SLCO3A1: variants seen among roughly 807,000 people sequenced by gnomAD.
SLCO3A1 encodes the protein solute carrier organic anion transporter family member 3A1, also known as PGE1 transporter.
SLCO3A1 carries 27 observed loss-of-function variants against 63.1 expected under a neutral mutation model. That is an observed-to-expected ratio of 0.43 (90% CI 0.32 to 0.59). SLCO3A1 has a LOEUF of 0.59. SLCO3A1 is among the 20% of genes least tolerant of loss of function. The pLI is 0.09. For missense variants in SLCO3A1, 773 were observed against 945.8 expected (o/e 0.82, Z 2.40); for synonymous variants, 473 against 409.9 (o/e 1.15, Z -1.86).
chr15:92,109,294 C>T (rs1321457836), intron 4 of SLCO3A1, among the ~76,000 whole-genome samples: 1 of 152,170 alleles, frequency 6.6e-6, no homozygotes, highest in African/African-American at 2.4e-5. Context: ...ATTATGCTGC[C>T]ACTTCTGACA....
At chr15:92,159,593 A>C (rs1486732645) in intron 9 of SLCO3A1, among the ~76,000 whole-genome samples, 1 of 134,004 alleles carries the variant, frequency 7.5e-6, no homozygotes, top group Non-Finnish European at 1.6e-5. Context: ...TGGAGATAGG[A>C]TCCCATTCTG....
At chr15:92,166,054 T>C (rs1486103892), downstream of SLCO3A1, 1 of 305,520 alleles carries the variant, frequency 3.3e-6, no homozygotes, top group African/African-American at 2.3e-5. Context: ...TTTTGTTTTT[T>C]GTTTTGTTTT....
chr15:91,981,831 C>G (rs185071646), intron 2 of SLCO3A1, among the ~76,000 whole-genome samples: 5 of 152,350 alleles, frequency 3.3e-5, no homozygotes, highest in Admixed American at 1.3e-4. Context: ...TCCCTGAGAA[C>G]AGACACAGTG....
At chr15:91,974,993 A>T (rs933538312) in intron 2 of SLCO3A1, among the ~76,000 whole-genome samples, 8 of 152,090 alleles carry the variant, frequency 5.3e-5, no homozygotes, top group African/African-American at 1.7e-4. Context: ...AGTTAACTTA[A>T]TTTCTCTGTA....
chr15:91,923,487 G>C (rs552730136), intron 2 of SLCO3A1, among the ~76,000 whole-genome samples: 4 of 152,344 alleles, frequency 2.6e-5, no homozygotes, highest in Admixed American at 6.5e-5. Context: ...CATTGCCCCA[G>C]GCAGGAGGAG....
intron 9 of SLCO3A1, among the ~76,000 whole-genome samples, chr15:92,159,789 A>G (rs140313323): frequency 1.3e-5 from 2 of 152,302 alleles, no homozygotes; most frequent in African/African-American, 4.8e-5. Flanking sequence ...ACATAGCAGT[A>G]TGCCCTACTT....
intron 2 of SLCO3A1, among the ~76,000 whole-genome samples, chr15:91,932,499 G>A (rs1467361884): frequency 6.6e-6 from 1 of 151,820 alleles, no homozygotes; most frequent in Non-Finnish European, 1.5e-5. Flanking sequence ...AGGCTGGAGT[G>A]CAATGGCATG....
chr15:92,158,523 T>C (rs190580264), intron 9 of SLCO3A1, among the ~76,000 whole-genome samples: 13 of 152,282 alleles, frequency 8.5e-5, no homozygotes, highest in Admixed American at 3.9e-4. Context: ...TATACAGTCC[T>C]GGGTAGGGGG....
intron 2 of SLCO3A1, among the ~76,000 whole-genome samples, chr15:91,938,759 C>T (rs1899509262): frequency 6.6e-6 from 1 of 152,220 alleles, no homozygotes; most frequent in Non-Finnish European, 1.5e-5. Context: ...CTCTTCACCT[C>T]AGTGATTGAC....
At chr15:92,069,124 C>A (rs1301891579) in intron 2 of SLCO3A1, among the ~76,000 whole-genome samples, 5 of 147,076 alleles carry the variant, frequency 3.4e-5, no homozygotes. Flanking sequence ...CCCACTCCCC[C>A]CAGGGGACAT....
At chr15:92,151,973 C>T (rs1014471035) in intron 9 of SLCO3A1, among the ~76,000 whole-genome samples, 16 of 152,156 alleles carry the variant, frequency 1.1e-4, no homozygotes, top group African/African-American at 3.6e-4. Context: ...GGTCTATAAT[C>T]GCAGTAGGAT....
intron 8 of SLCO3A1, 121 bp downstream of exon 8, chr15:92,147,280 C>T: frequency 1.1e-6 from 1 of 933,412 alleles, no homozygotes; most frequent in Non-Finnish European, 1.6e-6. Context: ...AGGGCCACAG[C>T]AAGGAGCGCA....
intron 1 of SLCO3A1, chr15:91,889,062 G>T: frequency 4.1e-6 from 3 of 727,160 alleles, no homozygotes; most frequent in Non-Finnish European, 5.4e-6. Context: ...ATTATTACTA[G>T]CTAACATATA....
intron 2 of SLCO3A1, among the ~76,000 whole-genome samples, chr15:92,081,378 T>C (rs2047344208): frequency 6.6e-6 from 1 of 151,446 alleles, no homozygotes. Flanking sequence ...TGAGACAGAG[T>C]CTCGCTCTAT....
chr15:91,894,178 G>A lies in SLCO3A1; in HGVS notation c.181-21815G>A, dbSNP rs1897945149. On this transcript the variant is annotated intron_variant, in intron 1 of 9. Transcript: ENST00000318445. This position sits in a 1 kb window ranked among gnomAD's most constrained non-coding sequence, Gnocchi z 4.8. ...CTGTTTGCAGAACAGCAAGGCAACT[G>A]GTGTGGTTTGAATGGTAAACATATG... 6.6e-6 allele frequency among the ~76,000 whole-genome samples: 1 copy of A among 152,088 alleles called. No individual in the cohort carries two copies. The highest frequency in any genetic ancestry group is 2.4e-5 in the African/African-American group (1 of 41,414).
intron 2 of SLCO3A1, among the ~76,000 whole-genome samples, chr15:92,010,541 T>A (rs529197114): frequency 6.6e-6 from 1 of 152,198 alleles, no homozygotes; most frequent in Non-Finnish European, 1.5e-5. Flanking sequence ...AATAAATCCT[T>A]GTGCATTTTT....
downstream of SLCO3A1, among the ~76,000 whole-genome samples, chr15:92,169,586 C>CTACT (rs1567160189): frequency 1.3e-5 from 2 of 152,012 alleles, no homozygotes; most frequent in Non-Finnish European, 2.9e-5. Flanking sequence ...ATAGGAGACT[C>CTACT]CTAGTGCATT....
At position 92,126,123 on chromosome 15, in the gene SLCO3A1, C is replaced by T; in HGVS notation, c.1237C>T (p.Leu413Phe). The T allele has an allele frequency of 1.2e-6, 2 of 1,613,664 alleles. No homozygotes were observed. Among genetic ancestry groups the T allele is most frequent in the Non-Finnish European group, 1.7e-6 (2 of 1,179,940 alleles). The change falls in exon 6 of 10, where the codon CTC becomes TTC. Residue 413 changes from leucine (L) to phenylalanine (F), a missense_variant. This residue lies in a region of SLCO3A1 where 565 missense variants were observed against 749.8 expected (regional missense o/e 0.75). Coordinates refer to ENST00000318445, the MANE Select transcript of SLCO3A1 (RefSeq NM_013272.4). ...CCTGGGAGGTCTTTTGGTGAAGAAGCTCAGCCTGTCTGCCCTGGGGGCCAT... is the reference window on the plus strand; with the variant it reads ...CCTGGGAGGTCTTTTGGTGAAGAAGTTCAGCCTGTCTGCCCTGGGGGCCAT... Reference protein sequence around the residue: ...IFLGGLLVKKLSLSALGAIRM... With the variant: ...IFLGGLLVKKFSLSALGAIRM...
At chr15:91,904,823 T>C (rs1898254784) in intron 1 of SLCO3A1, among the ~76,000 whole-genome samples, 1 of 152,240 alleles carries the variant, frequency 6.6e-6, no homozygotes, top group Non-Finnish European at 1.5e-5. Flanking sequence ...ATCATATTAT[T>C]TTATTAGCGT....
Sources: allele counts gnomAD v4.1 joint callset (sites outside exome capture counted in the v4.1 genomes callset), GRCh38; gene constraint gnomAD v4.1.1; regional missense constraint gnomAD v4.1.1; non-coding constraint Gnocchi (gnomAD v3.1); transcripts MANE v1.5; gene names NCBI Gene and HGNC (gene_info 2026-07-23, HGNC 2026-07-21).